KIT: variants seen among roughly 807,000 people sequenced by gnomAD.
KIT encodes mast/stem cell growth factor receptor Kit.
A neutral mutation model predicts 105.7 loss-of-function variants in KIT; 16 were observed. That is an observed-to-expected ratio of 0.15 (90% CI 0.10 to 0.23). KIT has a LOEUF of 0.23. Ranked by LOEUF, KIT falls within the 10% of genes least tolerant of loss-of-function variation. The probability of loss-of-function intolerance (pLI) is 1.00; values close to 1 mark genes in which losing one functional copy is unlikely to be tolerated. For synonymous variants in KIT, 438 were observed against 441.1 expected (o/e 0.99, Z 0.09); for missense variants, 858 against 1,213.8 (o/e 0.71, Z 4.36).
chr4:54,704,292 T>G (rs1342064898), intron 5 of KIT, among the ~76,000 whole-genome samples: 1 of 152,252 alleles, frequency 6.6e-6, no homozygotes. Flanking sequence ...TGGTAGGGGC[T>G]GTGCCCCTTG....
At chr4:54,719,724 G>T (rs897567853) in intron 7 of KIT, among the ~76,000 whole-genome samples, 4 of 152,198 alleles carry the variant, frequency 2.6e-5, no homozygotes, top group Admixed American at 2.6e-4. Context: ...CTGGAGAACT[G>T]CAGAGTTATG....
intron 4 of KIT, among the ~76,000 whole-genome samples, chr4:54,700,050 T>A (rs1720357352): frequency 6.6e-6 from 1 of 152,222 alleles, no homozygotes; most frequent in Admixed American, 6.5e-5. Context: ...TTTGAAAAAC[T>A]GTTAGGGACT....
chr4:54,721,681 G>A (rs1366539971), intron 7 of KIT, among the ~76,000 whole-genome samples: 1 of 152,214 alleles, frequency 6.6e-6, no homozygotes, highest in Non-Finnish European at 1.5e-5. Flanking sequence ...GTGAGGTGCT[G>A]AGAGGTTATT....
intron 17 of KIT, among the ~76,000 whole-genome samples, chr4:54,735,988 A>G (rs1340755373): frequency 6.6e-6 from 1 of 152,168 alleles, no homozygotes; most frequent in Non-Finnish European, 1.5e-5. Flanking sequence ...GAGAGGGCAG[A>G]GGGCACGTGC....
intron 1 of KIT, among the ~76,000 whole-genome samples, chr4:54,662,746 T>C (rs1370195543): frequency 6.6e-6 from 1 of 152,152 alleles, no homozygotes; most frequent in African/African-American, 2.4e-5. Context: ...CTAATTTTTG[T>C]ACTTTTAGTA....
rs1723068763 is a variant in KIT, at chr4:54,738,611, C to G, written c.*54C>G. ...AGGAATGATCTCTTCTTTTGGCTTCCATGATGGTTATTTTCTTTTCTTTCA... is the reference window on the plus strand; with the variant it reads ...AGGAATGATCTCTTCTTTTGGCTTCGATGATGGTTATTTTCTTTTCTTTCA... On this transcript the variant is annotated 3_prime_UTR_variant, in exon 21 of 21. Transcript: ENST00000288135. 6.2e-7 allele frequency: 1 copy of G among 1,604,420 alleles called. No individual in the cohort carries two copies. Among genetic ancestry groups the G allele is most frequent in the African/African-American group, 1.3e-5 (1 of 74,914 alleles).
At chr4:54,721,399 A>C (rs1427781974) in intron 7 of KIT, among the ~76,000 whole-genome samples, 1 of 152,194 alleles carries the variant, frequency 6.6e-6, no homozygotes, top group Non-Finnish European at 1.5e-5. Flanking sequence ...TTTCAGCCTG[A>C]TCACACAGTT....
chr4:54,736,133 G>A lies in KIT; in HGVS notation c.2485-365G>A, dbSNP rs1002529411. On this transcript the variant is annotated intron_variant, in intron 17 of 20. Coordinates refer to ENST00000288135, the MANE Select transcript of KIT (RefSeq NM_000222.3). The stretch of plus-strand genomic sequence containing the variant: ...AATGTAGTCCTAATTGTGAGAGGCC[G>A]TGTTTCTGTTTTTAAGGAAGGAGAG... Among the ~76,000 whole-genome samples, 3 of 152,172 alleles carry A rather than the reference G, an allele frequency of 2.0e-5. No individual in the cohort carries two copies. In the South Asian group the frequency reaches 6.2e-4, roughly 31 times the overall value.
chr4:54,705,012 G>C (rs1261377652), intron 5 of KIT, among the ~76,000 whole-genome samples: 1 of 152,146 alleles, frequency 6.6e-6, no homozygotes, highest in African/African-American at 2.4e-5. Context: ...TCAGCACACA[G>C]AAAGTGTACT....
intron 13 of KIT, among the ~76,000 whole-genome samples, chr4:54,728,715 C>G (rs1577997006): frequency 6.6e-6 from 1 of 152,108 alleles, no homozygotes; most frequent in Admixed American, 6.6e-5. Flanking sequence ...TCCAATAATC[C>G]CCATAAATGT....
chr4:54,712,132 A>G (rs1721200929), intron 7 of KIT, among the ~76,000 whole-genome samples: 1 of 152,128 alleles, frequency 6.6e-6, no homozygotes, highest in Admixed American at 6.6e-5. Flanking sequence ...CAACCTTTCT[A>G]TGTTAAAAGA....
intron 17 of KIT, among the ~76,000 whole-genome samples, chr4:54,734,424 C>A (rs754163199): frequency 6.6e-6 from 1 of 152,170 alleles, no homozygotes; most frequent in Non-Finnish European, 1.5e-5. Flanking sequence ...ATGACAGTGC[C>A]AGACATATTG....
chr4:54,692,123 T>A (rs1719753841), intron 1 of KIT, among the ~76,000 whole-genome samples: 1 of 152,172 alleles, frequency 6.6e-6, no homozygotes, highest in Non-Finnish European at 1.5e-5. Flanking sequence ...ACTTTACAGA[T>A]GAGAAACTGA....
intron 1 of KIT, among the ~76,000 whole-genome samples, chr4:54,678,290 CTCCTTCCT>C (rs55800200): frequency 0.029 from 2,904 of 101,516 alleles, 147 homozygotes; most frequent in African/African-American, 0.056. Context: ...GGCTGGCTCG[CTCCTTCCT>C]TCCTTCCTTC....
At chr4:54,729,558 C>A (rs2109787811) in intron 14 of KIT, 73 bp downstream of exon 14, 1 of 1,467,114 alleles carries the variant, frequency 6.8e-7, no homozygotes, top group African/African-American at 1.4e-5. Flanking sequence ...GCAATCAAGG[C>A]TGATTCTTTA....
chr4:54,713,248 AT>A, intron 7 of KIT, among the ~76,000 whole-genome samples: 1 of 152,028 alleles, frequency 6.6e-6, no homozygotes, highest in South Asian at 2.1e-4. Context: ...TATAGTCTTT[AT>A]CCCTCACCCC....
chr4:54,707,936 G>A (rs992741004), intron 6 of KIT, among the ~76,000 whole-genome samples: 15 of 152,116 alleles, frequency 9.9e-5, no homozygotes, highest in East Asian at 1.9e-4. Flanking sequence ...GACCAAGACC[G>A]AACGGCTAAT....
intron 1 of KIT, among the ~76,000 whole-genome samples, chr4:54,688,535 G>T (rs948025414): frequency 6.6e-6 from 1 of 152,164 alleles, no homozygotes; most frequent in Non-Finnish European, 1.5e-5. Flanking sequence ...TTTAACCGCA[G>T]CTATCAATCC....
At chr4:54,737,723 C>T (rs1723008372) in intron 20 of KIT, among the ~76,000 whole-genome samples, 1 of 152,158 alleles carries the variant, frequency 6.6e-6, no homozygotes, top group African/African-American at 2.4e-5. Flanking sequence ...ACAAGCATAG[C>T]CAGAAAATGG....
Sources: gnomAD v4.1 joint callset for allele counts (sites outside exome capture counted in the v4.1 genomes callset) on GRCh38, gnomAD v4.1.1 for gene constraint, MANE v1.5 for transcripts, NCBI Gene and HGNC (gene_info 2026-07-23, HGNC 2026-07-21) for gene names.